DTWD2: variants seen among roughly 807,000 people sequenced by gnomAD.
DTWD2 encodes DTW motif tRNA-uridine aminocarboxypropyltransferase 2.
In DTWD2, 39 loss-of-function variants were observed where a neutral mutation model predicts 31.8. The observed-to-expected ratio is 1.22, with a 90% CI of 0.95 to 1.60. The LOEUF is 1.60. Ranked by LOEUF, DTWD2 falls within the 40% of genes most tolerant of loss-of-function variation. DTWD2 has a pLI of 0.00. For synonymous variants in DTWD2, 180 were observed against 142.8 expected (o/e 1.26, Z -1.86); for missense variants, 515 against 381.5 (o/e 1.35, Z -2.92).
At chr5:118,964,676 G>A (rs1210225262) in intron 1 of DTWD2, among the ~76,000 whole-genome samples, 8 of 152,376 alleles carry the variant, frequency 5.3e-5, no homozygotes, top group African/African-American at 1.2e-4. Flanking sequence ...TCCTAACCAC[G>A]AATGATCTGC....
intron 4 of DTWD2, among the ~76,000 whole-genome samples, chr5:118,907,070 T>C (rs1753349036): frequency 6.6e-6 from 1 of 152,232 alleles, no homozygotes. Flanking sequence ...TCCTGTTTAC[T>C]TTAAATGATA....
chr5:118,937,256 C>G (rs1003823916), intron 3 of DTWD2, among the ~76,000 whole-genome samples: 3 of 151,918 alleles, frequency 2.0e-5, no homozygotes, highest in African/African-American at 7.3e-5. Context: ...TCAACAAACA[C>G]CCATTCATAA....
chr5:118,943,410 G>T (rs928256582), intron 2 of DTWD2, among the ~76,000 whole-genome samples: 9 of 152,230 alleles, frequency 5.9e-5, no homozygotes, highest in Non-Finnish European at 1.2e-4. Context: ...AGTTAGCCGG[G>T]CGTTGTGGTG....
In DTWD2 at chr5:118,978,971, G is replaced by A. The variant is rs560762523; in HGVS notation, c.218+9323C>T. On this transcript the variant is annotated intron_variant, in intron 1 of 5. Coordinates refer to ENST00000510708, the MANE Select transcript of DTWD2 (RefSeq NM_173666.4). ...CAGTGAGCCAAGATCACATCACTGC[G>A]CTCCAGCCTGGGTTACACAGTGGGA... is the stretch of plus-strand genomic sequence containing the variant. Among the ~76,000 whole-genome samples, 15 of 150,878 alleles carry A rather than the reference G, an allele frequency of 9.9e-5. No homozygotes were observed. The East Asian group carries it at 1.2e-3, about 12-fold the overall frequency.
At position 118,840,932 on chromosome 5, in the gene DTWD2, A is replaced by G. The variant is rs201791904; in HGVS notation, c.882T>C (p.Asn294=). ...RKLRKMELLM[N]SVKI ...AATAACTGTACTAAATTTTAACACTATTCATTAACAATTCCATTTTCCTGA... is the reference window on the plus strand; with the variant it reads ...AATAACTGTACTAAATTTTAACACTGTTCATTAACAATTCCATTTTCCTGA... The change falls in exon 6 of 6, where the codon AAT becomes AAC. Residue 294 remains asparagine, a synonymous_variant. Coordinates refer to ENST00000510708, the MANE Select transcript of DTWD2 (RefSeq NM_173666.4). 3.1e-5 allele frequency: 50 copies of G among 1,613,416 alleles called. No homozygotes were observed. Among genetic ancestry groups the G allele is most frequent in the Non-Finnish European group, 3.7e-5 (44 of 1,179,676 alleles).
At chr5:118,911,926 A>G (rs1427915261) in intron 4 of DTWD2, among the ~76,000 whole-genome samples, 1 of 152,226 alleles carries the variant, frequency 6.6e-6, no homozygotes, top group East Asian at 1.9e-4. Flanking sequence ...CACCACACAA[A>G]GTACCAAAAC....
chr5:118,841,116 G>GT (rs1751704328), intron 5 of DTWD2, 29 bp from the exon 6 acceptor site: 1 of 1,579,826 alleles, frequency 6.3e-7, no homozygotes, highest in Non-Finnish European at 8.6e-7. Flanking sequence ...CACTAAAAAA[G>GT]TATCTGTGAC....
intron 4 of DTWD2, among the ~76,000 whole-genome samples, chr5:118,925,809 C>T (rs1014174713): frequency 4.0e-5 from 6 of 151,536 alleles, no homozygotes; most frequent in African/African-American, 1.5e-4. Flanking sequence ...TGTGCCACTG[C>T]ACTCCAGCCT....
At chr5:118,868,838 T>TAAAAAAA (rs758949446) in intron 4 of DTWD2, among the ~76,000 whole-genome samples, 1 of 107,864 alleles carries the variant, frequency 9.3e-6, no homozygotes, top group Non-Finnish European at 1.9e-5. Flanking sequence ...CCCTGTCTCT[T>TAAAAAAA]AAAAAAAAAA....
chr5:118,879,770 T>C (rs115529168), intron 4 of DTWD2, among the ~76,000 whole-genome samples: 95 of 152,008 alleles, frequency 6.2e-4, no homozygotes, highest in Non-Finnish European at 8.8e-4. Flanking sequence ...CAGGAATACA[T>C]AGAGGGAAAC....
intron 3 of DTWD2, among the ~76,000 whole-genome samples, chr5:118,934,272 TAAA>T (rs397999089): frequency 1.3e-3 from 31 of 23,546 alleles, no homozygotes; most frequent in Admixed American, 8.8e-3. Flanking sequence ...TTGTCTCCAT[TAAA>T]AAAAAAAAAA....
chr5:118,975,162 A>T (rs1053194933), intron 1 of DTWD2, among the ~76,000 whole-genome samples: 1 of 152,208 alleles, frequency 6.6e-6, no homozygotes, highest in Non-Finnish European at 1.5e-5. Context: ...CACGTACACC[A>T]ATCAAACATA....
At chr5:118,954,712 G>C (rs1334642294) in intron 1 of DTWD2, among the ~76,000 whole-genome samples, 1 of 151,910 alleles carries the variant, frequency 6.6e-6, no homozygotes, top group African/African-American at 2.4e-5. Context: ...GTTATTTTTG[G>C]ATTTTTTTTT....
intron 4 of DTWD2, among the ~76,000 whole-genome samples, chr5:118,891,704 G>C (rs942825704): frequency 6.6e-6 from 1 of 152,132 alleles, no homozygotes; most frequent in Non-Finnish European, 1.5e-5. Flanking sequence ...ATGCAACACA[G>C]TCATACACAG....
In DTWD2 at chr5:118,974,555, T is replaced by TA. The variant is rs200057430; in HGVS notation, c.218+13738dup. The TA allele has an allele frequency of 6.5e-3, 3,198 of 495,478 alleles. 86 individuals are homozygous for TA. The highest frequency in any genetic ancestry group is 0.057 in the African/African-American group (2,795 of 49,438). The allele number at this position is 495,478 out of a possible 1,614,324, so 30.7% of individuals were successfully genotyped here. ...ATCTCAAAGGAGAAAAAAAACCTTG[T>TA]AAAAAAAGCAAAAATGACAACAGAA... is the stretch of plus-strand genomic sequence containing the variant. On this transcript the variant is annotated intron_variant, in intron 1 of 5. Transcript: ENST00000510708.
intron 1 of DTWD2, among the ~76,000 whole-genome samples, chr5:118,981,505 G>A (rs756734095): frequency 6.6e-6 from 1 of 151,438 alleles, no homozygotes; most frequent in Non-Finnish European, 1.5e-5. Flanking sequence ...GTTTCCAATA[G>A]TGAAAAATGA....
intron 4 of DTWD2, among the ~76,000 whole-genome samples, chr5:118,925,471 G>A (rs557293488): frequency 6.6e-6 from 1 of 152,120 alleles, no homozygotes; most frequent in Non-Finnish European, 1.5e-5. Context: ...CCAAAAATCA[G>A]AAATAAAAGT....
chr5:118,965,948 AAAATAAAT>A (rs897368178), intron 1 of DTWD2, among the ~76,000 whole-genome samples: 3 of 151,682 alleles, frequency 2.0e-5, no homozygotes, highest in Admixed American at 1.3e-4. Context: ...AAAATAAATA[AAAATAAAT>A]AAATAAATAA....
chr5:118,980,531 T>C (rs1236912650), intron 1 of DTWD2, among the ~76,000 whole-genome samples: 1 of 152,208 alleles, frequency 6.6e-6, no homozygotes, highest in East Asian at 1.9e-4. Context: ...CCAAAGAAGA[T>C]ATGCAAATGG....
Sources: gnomAD v4.1 joint callset for allele counts (sites outside exome capture counted in the v4.1 genomes callset) on GRCh38, gnomAD v4.1.1 for gene constraint, MANE v1.5 for transcripts, NCBI Gene and HGNC (gene_info 2026-07-23, HGNC 2026-07-21) for gene names.